HDAC9: variants seen among roughly 807,000 people sequenced by gnomAD.
HDAC9 encodes MEF-2 interacting transcription repressor (MITR) protein.
In HDAC9, 41 loss-of-function variants were observed where a neutral mutation model predicts 139.4. That is an observed-to-expected ratio of 0.29 (90% CI 0.23 to 0.38). The LOEUF is 0.38. HDAC9 is among the 10% of genes least tolerant of loss of function. The probability of loss-of-function intolerance (pLI) is 1.00; values close to 1 mark genes in which losing one functional copy is unlikely to be tolerated. For missense variants in HDAC9, 1,147 were observed against 1,297.0 expected (o/e 0.88, Z 1.78); for synonymous variants, 517 against 476.2 (o/e 1.09, Z -1.12).
At chr7:18,706,344 A>G (rs1392776878) in intron 12 of HDAC9, among the ~76,000 whole-genome samples, 5 of 151,998 alleles carry the variant, frequency 3.3e-5, no homozygotes, top group Admixed American at 2.6e-4. Context: ...ATTTTTTTCA[A>G]TACCTACCAT....
chr7:18,464,369 G>C (rs1794092403), intron 1 of HDAC9, among the ~76,000 whole-genome samples: 1 of 151,902 alleles, frequency 6.6e-6, no homozygotes, highest in South Asian at 2.1e-4. Context: ...CTGAATGGTA[G>C]GTAGTGGCTT....
chr7:18,373,583 C>A (rs1353555890), intron 1 of HDAC9, among the ~76,000 whole-genome samples: 1 of 152,100 alleles, frequency 6.6e-6, no homozygotes, highest in African/African-American at 2.4e-5. Flanking sequence ...CATTTTTCTA[C>A]TTTAATGGGA....
intron 16 of HDAC9, among the ~76,000 whole-genome samples, chr7:18,792,603 A>G (rs1792421550): frequency 6.6e-6 from 1 of 152,192 alleles, no homozygotes. Context: ...TGTTTTGATA[A>G]TAATGTTCTC....
At chr7:18,990,512 C>T (rs1563112643) in intron 25 of HDAC9, among the ~76,000 whole-genome samples, 1 of 152,234 alleles carries the variant, frequency 6.6e-6, no homozygotes, top group Non-Finnish European at 1.5e-5. Flanking sequence ...TTTGTCTGTG[C>T]CCTGCCCCCA....
rs961902478 is a variant in HDAC9 at position 18,857,799 on chromosome 7, G to A, written c.2685-16679G>A. On this transcript the variant is annotated intron_variant, in intron 21 of 25. Transcript: ENST00000686413. ...TAATAAATGAAAAAATCTATGAAAAGACAAACTTGACAAAGTTGGGTTCAG... is the reference window on the plus strand; with the variant it reads ...TAATAAATGAAAAAATCTATGAAAAAACAAACTTGACAAAGTTGGGTTCAG... Among the ~76,000 whole-genome samples, 36 of 152,144 alleles carry A rather than the reference G, an allele frequency of 2.4e-4. 1 individual carries two copies. Among genetic ancestry groups the A allele is most frequent in the Admixed American group, 2.0e-4 (3 of 15,268 alleles).
At chr7:18,208,979 A>G (rs557195138) in intron 2 of HDAC9, among the ~76,000 whole-genome samples, 2 of 152,322 alleles carry the variant, frequency 1.3e-5, no homozygotes, top group South Asian at 4.1e-4. Context: ...TTAAGTCCTA[A>G]TCCACTGAAT....
At chr7:18,725,111 A>C (rs1015505063) in intron 12 of HDAC9, among the ~76,000 whole-genome samples, 2 of 152,220 alleles carry the variant, frequency 1.3e-5, no homozygotes, top group African/African-American at 4.8e-5. Flanking sequence ...GAGACACAGC[A>C]GACACAGTGC....
intron 1 of HDAC9, among the ~76,000 whole-genome samples, chr7:18,462,956 T>C (rs1793973988): frequency 6.6e-6 from 1 of 152,030 alleles, no homozygotes; most frequent in South Asian, 2.1e-4. Flanking sequence ...CCAGGGTGAT[T>C]GTGCCAATGT....
rs532584618 is a variant in HDAC9 at position 18,940,762 on chromosome 7, C to T, written c.2937+4820C>T. 2.0e-5 allele frequency among the ~76,000 whole-genome samples: 3 copies of T among 152,204 alleles called. No individual in the cohort carries two copies. The South Asian group carries it at 6.2e-4, about 32-fold the overall frequency. ...CAAATTTGCCTACTGTTATGCAAAG[C>T]CAATTAGTGGCACCCCGGGTTACTT... On this transcript the variant is annotated intron_variant, in intron 23 of 25. Transcript: ENST00000686413.
chr7:18,543,712 T>A (rs1240495989), intron 2 of HDAC9: 2 of 152,072 alleles, frequency 1.3e-5, no homozygotes, highest in African/African-American at 4.8e-5. Context: ...TGCATTCTTA[T>A]GGAGGAGATG....
intron 2 of HDAC9, among the ~76,000 whole-genome samples, chr7:18,265,801 T>C (rs1313813490): frequency 6.6e-6 from 1 of 152,160 alleles, no homozygotes; most frequent in Non-Finnish European, 1.5e-5. Context: ...CTGCATGCAA[T>C]CTGTAGCAAT....
intron 23 of HDAC9, among the ~76,000 whole-genome samples, chr7:18,943,194 T>TA (rs1465006461): frequency 6.6e-6 from 1 of 152,046 alleles, no homozygotes. Context: ...AAACTACACA[T>TA]ACAGCCCTGA....
chr7:18,141,608 C>A (rs760939951), intron 1 of HDAC9, among the ~76,000 whole-genome samples: 19 of 152,074 alleles, frequency 1.2e-4, no homozygotes, highest in Non-Finnish European at 2.1e-4. Context: ...ACTGCTGGGG[C>A]ACTTGGAGTC....
At chr7:18,498,613 G>A (rs533773670) in intron 2 of HDAC9, among the ~76,000 whole-genome samples, 4 of 152,088 alleles carry the variant, frequency 2.6e-5, no homozygotes, top group Non-Finnish European at 5.9e-5. Flanking sequence ...AGAGTCTTTG[G>A]ATTTGAAAGA....
At chr7:18,668,267 A>G in intron 12 of HDAC9, 1 of 957,176 alleles carries the variant, frequency 1.0e-6, no homozygotes, top group Non-Finnish European at 1.2e-6. Flanking sequence ...TAATAGGAAC[A>G]CTCCCTATCA....
rs565576274 is a variant in HDAC9, at chr7:18,218,162, G to A, written c.25+55813G>A. ...GAACTACTTTCAGAAGTTACATACTGGCTGGGTGCAGTGACTTGTGCCTAT... is the reference window on the plus strand; with the variant it reads ...GAACTACTTTCAGAAGTTACATACTAGCTGGGTGCAGTGACTTGTGCCTAT... On this transcript the variant is annotated intron_variant, in intron 2 of 12. Coordinates refer to the HDAC9 transcript ENST00000417496. Among the ~76,000 whole-genome samples the A allele has an allele frequency of 9.2e-5, 14 of 152,252 alleles. No individual in the cohort carries two copies. In the South Asian group the frequency reaches 2.9e-3, roughly 32 times the overall value.
Position 18,629,449 on chromosome 7 carries a change from C to G in HDAC9, c.764C>G (p.Thr255Ser). The part of the protein sequence containing the change: ...LLRRKDGNVV[T>S]SFKKRMFEVT... ...AGGCGGAAGGATGGAAATGTTGTCA[C>G]TTCATTCAAGAAGCGAATGTTTGAG... The change falls in exon 7 of 26, where the codon ACT becomes AGT. Residue 255 changes from threonine (T) to serine (S), a missense_variant. Thr to Ser is a moderately conservative substitution (Grantham distance 58, BLOSUM62 1). Coordinates refer to ENST00000686413, the MANE Select transcript of HDAC9 (RefSeq NM_178425.4). 1 of 1,611,920 alleles carries G rather than the reference C, an allele frequency of 6.2e-7. No individual in the cohort carries two copies. Among genetic ancestry groups the G allele is most frequent in the East Asian group, 2.2e-5 (1 of 44,738 alleles).
intron 16 of HDAC9, among the ~76,000 whole-genome samples, chr7:18,789,536 C>G (rs1792124522): frequency 6.6e-6 from 1 of 152,160 alleles, no homozygotes; most frequent in African/African-American, 2.4e-5. Context: ...GCTCCACTGT[C>G]ATTTATTTCC....
At chr7:18,259,181 G>T (rs1279462095) in intron 2 of HDAC9, among the ~76,000 whole-genome samples, 2 of 151,788 alleles carry the variant, frequency 1.3e-5, no homozygotes, top group African/African-American at 4.8e-5. Context: ...TGTTGGCCAG[G>T]CTGGCTTGAA....
Sources: allele counts gnomAD v4.1 joint callset (sites outside exome capture counted in the v4.1 genomes callset), GRCh38; gene constraint gnomAD v4.1.1; transcripts MANE v1.5; gene names NCBI Gene and HGNC (gene_info 2026-07-23, HGNC 2026-07-21).